The following INSIG2 variants were observed in gnomAD, a reference collection of about 807,000 sequenced individuals.
The protein encoded by INSIG2 is insulin induced gene 2.
A neutral mutation model predicts 27.2 loss-of-function variants in INSIG2; 10 were observed. The observed-to-expected ratio is 0.37, with a 90% CI of 0.23 to 0.62. The LOEUF is 0.62. INSIG2 is among the 20% of genes least tolerant of loss of function. INSIG2 has a pLI of 0.65. For synonymous variants in INSIG2, 97 were observed against 95.8 expected, an observed-to-expected ratio of 1.01 and a Z score of -0.07; for missense variants, 178 against 270.2, an observed-to-expected ratio of 0.66 and a Z score of 2.39.
chr2:118,106,157 AC>A, intron 3 of INSIG2, among the ~76,000 whole-genome samples: 2 of 152,340 alleles, frequency 1.3e-5, no homozygotes, highest in Middle Eastern at 6.8e-3. Flanking sequence ...AGAACAGTTG[AC>A]ATAATAGAAA....
At position 118,108,477 on chromosome 2, in the gene INSIG2, C is replaced by A. The variant is rs951002929; in HGVS notation, c.*155C>A. On this transcript the variant is annotated 3_prime_UTR_variant, in exon 6 of 6. Transcript: ENST00000245787. ...ATATGGATAAATATATATATACACA[C>A]ACACATATTACTGCAATCTGTGATT... is the stretch of plus-strand genomic sequence containing the variant. 1.9e-6 allele frequency: 1 copy of A among 520,938 alleles called. No homozygotes were observed. The highest frequency in any genetic ancestry group is 3.4e-6 in the Non-Finnish European group (1 of 290,348). The allele number at this position is 520,938 out of a possible 1,614,324, so 32.3% of individuals were successfully genotyped here.
At chr2:118,093,867 G>A in intron 1 of INSIG2, among the ~76,000 whole-genome samples, 1 of 86,248 alleles carries the variant, frequency 1.2e-5, no homozygotes, top group Non-Finnish European at 2.5e-5. Context: ...TGATGATGAG[G>A]AGGAGGAGGA....
chr2:118,089,732 G>T (rs1678181909), intron 1 of INSIG2, among the ~76,000 whole-genome samples: 1 of 151,938 alleles, frequency 6.6e-6, no homozygotes, highest in Non-Finnish European at 1.5e-5. Flanking sequence ...GTCCACTCGG[G>T]AAAGAGGTTG....
At chr2:118,093,145 AGATGAT>A (rs1224057339) in intron 1 of INSIG2, among the ~76,000 whole-genome samples, 1 of 96,620 alleles carries the variant, frequency 1.0e-5, no homozygotes, top group Non-Finnish European at 2.1e-5. Context: ...AAAAGCAACC[AGATGAT>A]GATGATGATG....
chr2:118,109,061 A>T lies in INSIG2; in HGVS notation c.*739A>T, dbSNP rs1223580796. On this transcript the variant is annotated 3_prime_UTR_variant, in exon 6 of 6. Transcript: ENST00000245787. ...TTCTAAATTTGGAACAGTATATATAATTAAAAGTAAGGAACATTAGAGGAT... is the reference window on the plus strand; with the variant it reads ...TTCTAAATTTGGAACAGTATATATATTTAAAAGTAAGGAACATTAGAGGAT... 1 of 152,220 alleles carries T rather than the reference A, an allele frequency of 6.6e-6. No individual in the cohort carries two copies. Among genetic ancestry groups the T allele is most frequent in the African/African-American group, 2.4e-5 (1 of 41,458 alleles). 9.4% of individuals were successfully genotyped at this position (152,220 alleles called of 1,614,324 possible).
In INSIG2 at chr2:118,108,342, T is replaced by C. The variant is rs1232871129; in HGVS notation, c.*20T>C. On this transcript the variant is annotated 3_prime_UTR_variant, in exon 6 of 6. Coordinates refer to ENST00000245787, the MANE Select transcript of INSIG2 (RefSeq NM_016133.4). ...GAATGAAGAAGGCAAAAAATATCTT[T>C]TGTACAGAAAAGCAAGATGAAAAGG... The C allele has an allele frequency of 6.3e-7, 1 of 1,582,208 alleles. No homozygotes were observed. The highest frequency in any genetic ancestry group is 1.8e-5 in the Admixed American group (1 of 57,082).
chr2:118,108,116 C>T lies in INSIG2; in HGVS notation c.637-165C>T, dbSNP rs548752554. 2.0e-5 allele frequency among the ~76,000 whole-genome samples: 3 copies of T among 152,198 alleles called. No individual in the cohort carries two copies. The East Asian group carries it at 5.8e-4, about 29-fold the overall frequency. ...ATGTGAATTATTTTTTTCCCTGTCA[C>T]ATTTGTCATTTAATCATAGTAATTA... On this transcript the variant is annotated intron_variant, in intron 5 of 5. Coordinates refer to ENST00000245787, the MANE Select transcript of INSIG2 (RefSeq NM_016133.4).
rs548318294 is a variant in INSIG2 at position 118,109,141 on chromosome 2, A to G, written c.*819A>G. 1.3e-5 allele frequency: 2 copies of G among 152,374 alleles called. No individual in the cohort carries two copies. Among genetic ancestry groups the G allele is most frequent in the African/African-American group, 4.8e-5 (2 of 41,594 alleles). The allele number at this position is 152,374 out of a possible 1,614,324, so 9.4% of individuals were successfully genotyped here. A position where few individuals can be genotyped will look rare whatever the true frequency, so the allele number is the denominator to read the frequency against. On this transcript the variant is annotated 3_prime_UTR_variant, in exon 6 of 6. Transcript: ENST00000245787. Reference sequence around the variant, plus strand: ...TACAGTGACCTCTTGCAGTGTCACAAAAGTGCAAAGTGATATTAGCTGTCA... The same window carrying G: ...TACAGTGACCTCTTGCAGTGTCACAGAAGTGCAAAGTGATATTAGCTGTCA...
Position 118,096,496 on chromosome 2 carries a change from T to C in INSIG2, c.-61T>C. 2 of 1,533,758 alleles carry C rather than the reference T, an allele frequency of 1.3e-6. No homozygotes were observed. Among genetic ancestry groups the C allele is most frequent in the Non-Finnish European group, 1.7e-6 (2 of 1,145,658 alleles). On this transcript the variant is annotated 5_prime_UTR_variant, in exon 2 of 6. Coordinates refer to ENST00000245787, the MANE Select transcript of INSIG2 (RefSeq NM_016133.4). ...GTCTTTGATTCACAGACAGTTGAGC[T>C]TTTCAGCTGGGAAGCCTTTCCATTT...
At chr2:118,091,117 T>C (rs1287020883) in intron 1 of INSIG2, among the ~76,000 whole-genome samples, 3 of 152,208 alleles carry the variant, frequency 2.0e-5, no homozygotes, top group Non-Finnish European at 2.9e-5. Flanking sequence ...ATAGATCCAC[T>C]TTGTTTTAAG....
intron 2 of INSIG2, among the ~76,000 whole-genome samples, chr2:118,097,964 A>G (rs1450052005): frequency 6.6e-6 from 1 of 152,228 alleles, no homozygotes; most frequent in Non-Finnish European, 1.5e-5. Context: ...CAGTGTTTAT[A>G]TACTGATGTC....
At chr2:118,103,693 G>GT (rs1343590733) in intron 3 of INSIG2, among the ~76,000 whole-genome samples, 1 of 151,600 alleles carries the variant, frequency 6.6e-6, no homozygotes, top group African/African-American at 2.4e-5. Context: ...AGTACATGTG[G>GT]TAGCTTCAGG....
chr2:118,103,522 G>T (rs1678601961), intron 3 of INSIG2, among the ~76,000 whole-genome samples: 1 of 152,130 alleles, frequency 6.6e-6, no homozygotes, highest in Non-Finnish European at 1.5e-5. Context: ...ATTTCATTGT[G>T]TATTTTTCAC....
chr2:118,105,211 T>C (rs953964981), intron 3 of INSIG2, among the ~76,000 whole-genome samples: 1 of 150,534 alleles, frequency 6.6e-6, no homozygotes, highest in Non-Finnish European at 1.5e-5. Context: ...CGGTGAATTT[T>C]TCTGTATTTT....
intron 2 of INSIG2, among the ~76,000 whole-genome samples, chr2:118,097,842 G>A (rs1247540247): frequency 6.6e-6 from 1 of 152,182 alleles, no homozygotes; most frequent in African/African-American, 2.4e-5. Flanking sequence ...AGAGCGGGAG[G>A]TTGAAGGATG....
chr2:118,108,647 G>C lies in INSIG2; in HGVS notation c.*325G>C, dbSNP rs1678737145. The C allele has an allele frequency of 5.4e-6, 1 of 184,948 alleles. No individual in the cohort carries two copies. The highest frequency in any genetic ancestry group is 1.5e-4 in the East Asian group (1 of 6,708). The allele number at this position is 184,948 out of a possible 1,614,324, so 11.5% of individuals were successfully genotyped here. On this transcript the variant is annotated 3_prime_UTR_variant, in exon 6 of 6. Coordinates refer to ENST00000245787, the MANE Select transcript of INSIG2 (RefSeq NM_016133.4). ...AACATGCCATACATTGTATCACAAT[G>C]TTAATGTGCCAAGATATTGTTCCTG...
intron 1 of INSIG2, among the ~76,000 whole-genome samples, chr2:118,089,191 A>C (rs1403924786): frequency 6.6e-6 from 1 of 151,960 alleles, no homozygotes; most frequent in South Asian, 2.1e-4. Context: ...AGTGTGGATT[A>C]TGGGAGTGGG....
chr2:118,106,295 G>T (rs1206563013), intron 3 of INSIG2, among the ~76,000 whole-genome samples: 1 of 152,194 alleles, frequency 6.6e-6, no homozygotes, highest in Middle Eastern at 3.2e-3. Flanking sequence ...TCAAGTTCCT[G>T]TACGATTCTC....
At chr2:118,100,099 C>T (rs1489760404) in intron 2 of INSIG2, among the ~76,000 whole-genome samples, 1 of 152,160 alleles carries the variant, frequency 6.6e-6, no homozygotes, top group African/African-American at 2.4e-5. Context: ...ACAGCTTCCT[C>T]TTAACACCAG....
Sources: gnomAD v4.1 joint callset for allele counts (sites outside exome capture counted in the v4.1 genomes callset) on GRCh38, gnomAD v4.1.1 for gene constraint, MANE v1.5 for transcripts, NCBI Gene and HGNC (gene_info 2026-07-23, HGNC 2026-07-21) for gene names.